The following NLRC3 variants were observed in gnomAD, a reference collection of about 807,000 sequenced individuals.
NLRC3 encodes the protein NLR family CARD domain containing 3, also known as NLR family CARD domain-containing protein 3.
Under a neutral mutation model 91.6 loss-of-function variants are expected in NLRC3, and 87 were observed. The observed-to-expected ratio is 0.95, with a 90% CI of 0.80 to 1.14. NLRC3 has a LOEUF of 1.14. NLRC3 is among the 50% of genes most tolerant of loss of function. NLRC3 has a pLI of 0.00. For synonymous variants in NLRC3, 694 were observed against 625.3 expected, an observed-to-expected ratio of 1.11 and a Z score of -1.64; for missense variants, 1,577 against 1,418.6, an observed-to-expected ratio of 1.11 and a Z score of -1.79.
intron 15 of NLRC3, among the ~76,000 whole-genome samples, chr16:3,547,325 G>T (rs919559609): frequency 2.6e-5 from 4 of 152,172 alleles, no homozygotes; most frequent in African/African-American, 9.6e-5. Context: ...TCTATTTTTG[G>T]CCACGTATCG....
chr16:3,543,512 G>T lies in NLRC3; in HGVS notation c.2856-4C>A. On this transcript the variant is annotated splice_polypyrimidine_tract_variant and splice_region_variant and intron_variant, in intron 16 of 19. Coordinates refer to ENST00000359128, the MANE Select transcript of NLRC3 (RefSeq NM_178844.4). ...ACCAATTGAGGCCACCTGGAGACTG[G>T]GGCGGAGAGGGTGCCGTCAGTGTGA... The T allele has an allele frequency of 1.2e-6, 2 of 1,610,022 alleles. No individual in the cohort carries two copies. The highest frequency in any genetic ancestry group is 1.1e-5 in the South Asian group (1 of 90,652).
chr16:3,561,740 G>A lies in NLRC3; in HGVS notation c.1977C>T (p.Ser659=), dbSNP rs751567117. Residue 659 remains serine, a synonymous_variant, in exon 6 of 20, where the codon AGC becomes AGT. Coordinates refer to ENST00000359128, the MANE Select transcript of NLRC3 (RefSeq NM_178844.4). Reference sequence around the variant, plus strand: ...TGCGACAGTCCTTCCCACTCAGCACGCTGCCCAGCAGCTCCATCACGGGGT... The same window carrying A: ...TGCGACAGTCCTTCCCACTCAGCACACTGCCCAGCAGCTCCATCACGGGGT... ...FQDPVMELLG[S]VLSGKDCRIQ... 16 of 1,613,394 alleles carry A rather than the reference G, an allele frequency of 9.9e-6. No individual in the cohort carries two copies. Among genetic ancestry groups the A allele is most frequent in the South Asian group, 3.3e-5 (3 of 91,086 alleles).
chr16:3,557,556 C>T, intron 7 of NLRC3, 37 bp downstream of exon 7: 1 of 1,384,612 alleles, frequency 7.2e-7, no homozygotes. Context: ...CTTCTGGTTC[C>T]AATGGCAAAA....
rs773830009 is a variant in NLRC3 at position 3,563,351 on chromosome 16, A to G, written c.1586T>C (p.Leu529Pro). ...GLLSPRVNAL[L>P]AGSLLAQGEH... Reference sequence around the variant, plus strand: ...GCCTTGGGCCAGCAGGGAGCCGGCCAGGAGGGCATTGACCCTCGGAGACAA... The same window carrying G: ...GCCTTGGGCCAGCAGGGAGCCGGCCGGGAGGGCATTGACCCTCGGAGACAA... Residue 529 changes from leucine to proline, a missense_variant, in exon 5 of 20, where the codon CTG becomes CCG. Physicochemically the swap from Leu to Pro is moderately conservative, Grantham distance 98. Transcript: ENST00000359128. 1.4e-5 allele frequency: 22 copies of G among 1,591,276 alleles called. No homozygotes were observed. The South Asian group carries it at 2.5e-4, about 18-fold the overall frequency.
chr16:3,556,479 T>C (rs1297274497), intron 8 of NLRC3, among the ~76,000 whole-genome samples: 2 of 151,942 alleles, frequency 1.3e-5, no homozygotes, highest in East Asian at 3.8e-4. Flanking sequence ...CCCAATGGGA[T>C]GGGAGCCAGT....
intron 6 of NLRC3, among the ~76,000 whole-genome samples, chr16:3,560,812 A>C (rs963039544): frequency 3.3e-5 from 5 of 150,900 alleles, no homozygotes; most frequent in African/African-American, 1.2e-4. Context: ...GGCGCCCACC[A>C]CCACGCCCGG....
Position 3,556,894 on chromosome 16 carries a change from G to A in NLRC3, c.2183+17C>T. 6.3e-7 allele frequency: 1 copy of A among 1,583,722 alleles called. No individual in the cohort carries two copies. The highest frequency in any genetic ancestry group is 1.9e-4 in the Middle Eastern group (1 of 5,206). ...CCCTCTCTTGGGGTCACAACACAGG[G>A]AGCAGGTGACACACACCTCAGGGAG... On this transcript the variant is annotated intron_variant, in intron 8 of 19. Transcript: ENST00000359128.
chr16:3,544,316 C>T lies in NLRC3; in HGVS notation c.2785G>A (p.Ala929Thr), dbSNP rs74760019. The stretch of plus-strand genomic sequence containing the variant: ...GCACACGCTCCGTCATCCCCGATGG[C>T]GTTCTCCTGTAAACTAGACACAGAG... ...SLTSLDLQEN[A>T]IGDDGACAVA... The change falls in exon 16 of 20, where the codon GCC becomes ACC. Residue 929 changes from alanine to threonine, a missense_variant. Coordinates refer to ENST00000359128, the MANE Select transcript of NLRC3 (RefSeq NM_178844.4). The T allele has an allele frequency of 0.017, 28,080 of 1,612,340 alleles. 314 individuals are homozygous for T. The highest frequency in any genetic ancestry group is 0.025 in the Middle Eastern group (153 of 6,060).
Position 3,561,717 on chromosome 16 carries a change from C to T in NLRC3, c.2000G>A (p.Arg667His), listed in dbSNP as rs148712383. ...TCTGTGTTACCTGATCTTCTGAATGCGACAGTCCTTCCCACTCAGCACGCT... is the reference window on the plus strand; with the variant it reads ...TCTGTGTTACCTGATCTTCTGAATGTGACAGTCCTTCCCACTCAGCACGCT... ...LGSVLSGKDCRIQKISLAENQ... is the reference protein window; with the variant it reads ...LGSVLSGKDCHIQKISLAENQ... The change falls in exon 6 of 20, where the codon CGC becomes CAC. Residue 667 changes from arginine to histidine, a missense_variant. Arg to His is a conservative substitution (Grantham distance 29). Transcript: ENST00000359128. The T allele has an allele frequency of 8.8e-5, 142 of 1,612,360 alleles. No individual in the cohort carries two copies. In the African/African-American group the frequency reaches 1.5e-3, roughly 17 times the overall value.
chr16:3,549,182 C>G lies in NLRC3; in HGVS notation c.2563G>C (p.Ala855Pro). ...SISPEGAQAI[A>P]HALCANSTLK... ...GTGCTGTTGGCGCAGAGGGCATGAG[C>G]GATGGCCTGGGCTCCCTCGGGACTG... Residue 855 changes from alanine to proline, a missense_variant, in exon 13 of 20, where the codon GCT (alanine) becomes CCT (proline). Transcript: ENST00000359128. The G allele has an allele frequency of 6.3e-7, 1 of 1,589,030 alleles. No individual in the cohort carries two copies. Among genetic ancestry groups the G allele is most frequent in the East Asian group, 2.3e-5 (1 of 43,876 alleles).
intron 1 of NLRC3, among the ~76,000 whole-genome samples, chr16:3,575,904 C>T (rs2151110860): frequency 6.6e-6 from 1 of 152,260 alleles, no homozygotes; most frequent in East Asian, 1.9e-4. Flanking sequence ...CCTGCCCCTG[C>T]CCCCTCCCAG....
intron 9 of NLRC3, among the ~76,000 whole-genome samples, chr16:3,553,800 G>T (rs908307307): frequency 6.6e-6 from 1 of 150,578 alleles, no homozygotes; most frequent in Non-Finnish European, 1.5e-5. Context: ...GGAGTGCAAT[G>T]GCACGATCTC....
chr16:3,543,692 A>G, intron 16 of NLRC3, 184 bp from the exon 17 acceptor site: 2 of 593,464 alleles, frequency 3.4e-6, no homozygotes, highest in South Asian at 1.9e-5. Context: ...TAAGACAGAG[A>G]TCTGGATGCT....
At chr16:3,561,205 C>T (rs1419820038) in intron 6 of NLRC3, among the ~76,000 whole-genome samples, 2 of 151,732 alleles carry the variant, frequency 1.3e-5, no homozygotes, top group African/African-American at 4.8e-5. Flanking sequence ...CAAAAATTAG[C>T]CAGGTGTGGT....
In NLRC3 at chr16:3,565,012, C is replaced by T. The variant is rs779521020; in HGVS notation, c.25G>A (p.Gly9Ser). The change falls in exon 4 of 20, where the codon GGC (glycine) becomes AGC (serine). Residue 9 changes from glycine (G) to serine (S), a missense_variant. By Grantham distance (56) the Gly-to-Ser change is moderately conservative (BLOSUM62 0). Coordinates refer to ENST00000359128, the MANE Select transcript of NLRC3 (RefSeq NM_178844.4). ...CCGTGGCCCTGGCCGGCCTCCCTGC[C>T]CGTCCGCACCTCTTGCTTCCTCATG... MRKQEVRT[G>S]REAGQGHGTG... The T allele has an allele frequency of 5.6e-6, 9 of 1,610,014 alleles. No homozygotes were observed. Among genetic ancestry groups the T allele is most frequent in the Admixed American group, 1.7e-5 (1 of 59,978 alleles).
At chr16:3,558,243 G>A (rs2039443169) in intron 6 of NLRC3, among the ~76,000 whole-genome samples, 1 of 152,130 alleles carries the variant, frequency 6.6e-6, no homozygotes, top group Non-Finnish European at 1.5e-5. Context: ...GCTGAGGAGG[G>A]AGGATTTAGC....
At chr16:3,544,532 A>T (rs989762950) in intron 15 of NLRC3, 5 of 571,388 alleles carry the variant, frequency 8.8e-6, no homozygotes, top group African/African-American at 7.5e-5. Flanking sequence ...TGGGGCCTGC[A>T]TGAGTCTGAA....
Position 3,543,424 on chromosome 16 carries a change from C to T in NLRC3, c.2939+1G>A, listed in dbSNP as rs1341436597. On this transcript the variant is annotated splice_donor_variant, in intron 17 of 19. Transcript: ENST00000359128. LOFTEE classifies it high-confidence loss of function. ...CCATAGATGGAGACTGGAATACTTA[C>T]TCGAGAATCTCCAAGGTTCTGTTCA... The T allele has an allele frequency of 5.0e-6, 8 of 1,605,912 alleles. No homozygotes were observed. The highest frequency in any genetic ancestry group is 4.0e-5 in the African/African-American group (3 of 74,796).
In NLRC3 at chr16:3,541,764, C is replaced by T; in HGVS notation, c.*61G>A. 5 of 1,176,240 alleles carry T rather than the reference C, an allele frequency of 4.3e-6. No homozygotes were observed. In the South Asian group the frequency reaches 6.4e-5, roughly 15 times the overall value. 72.9% of individuals were successfully genotyped at this position (1,176,240 alleles called of 1,614,324 possible). On this transcript the variant is annotated 3_prime_UTR_variant, in exon 20 of 20. Coordinates refer to ENST00000359128, the MANE Select transcript of NLRC3 (RefSeq NM_178844.4). ...CCCAGACAGGCCCCCCAGAAGTCGG[C>T]CTTTCTGTTCAAAAGCTTCCAGCTG...
Sources: allele counts gnomAD v4.1 joint callset (sites outside exome capture counted in the v4.1 genomes callset), GRCh38; gene constraint gnomAD v4.1.1; transcripts MANE v1.5; gene names NCBI Gene and HGNC (gene_info 2026-07-23, HGNC 2026-07-21).